The following BMP1 variants were observed in gnomAD, a reference collection of about 807,000 sequenced individuals.
The protein encoded by BMP1 is mammalian tolloid protein.
Under a neutral mutation model 116.8 loss-of-function variants are expected in BMP1, and 63 were observed. The ratio of observed to expected loss-of-function variants is 0.54; its 90% CI spans 0.44 to 0.67. The LOEUF is 0.67. Among genes scored for constraint, BMP1 ranks in the 30% least tolerant of loss-of-function variants. The pLI, the probability that BMP1 is intolerant of heterozygous loss-of-function variation, is 0.00. For synonymous variants in BMP1, 536 were observed against 533.4 expected (o/e 1.00, Z -0.07); for missense variants, 1,183 against 1,358.9 (o/e 0.87, Z 2.04).
chr8:22,195,383 G>T, intron 12 of BMP1, 79 bp from the exon 13 acceptor site: 1 of 1,527,088 alleles, frequency 6.5e-7, no homozygotes, highest in Non-Finnish European at 8.8e-7. Flanking sequence ...TCTTGGGGCT[G>T]AGTGGACAAG....
chr8:22,185,828 CTT>C (rs71204540), intron 8 of BMP1, among the ~76,000 whole-genome samples: 3 of 80,958 alleles, frequency 3.7e-5, no homozygotes, highest in African/African-American at 5.3e-5. Flanking sequence ...CACTGTCTTT[CTT>C]TTTTTTTTTT....
intron 19 of BMP1, among the ~76,000 whole-genome samples, chr8:22,211,165 C>T (rs574527174): frequency 6.6e-6 from 1 of 152,350 alleles, no homozygotes; most frequent in East Asian, 1.9e-4. Flanking sequence ...CCCTAAGAGT[C>T]CACTGGGACA....
chr8:22,190,071 C>T (rs1828886632), intron 8 of BMP1, among the ~76,000 whole-genome samples: 1 of 152,140 alleles, frequency 6.6e-6, no homozygotes, highest in Non-Finnish European at 1.5e-5. Context: ...CAGATGCCCA[C>T]CATCACACCT....
Position 22,206,886 on chromosome 8 carries a change from G to A in BMP1, c.2266G>A (p.Gly756Ser). 6.2e-7 allele frequency: 1 copy of A among 1,614,168 alleles called. No individual in the cohort carries two copies. Among genetic ancestry groups the A allele is most frequent in the Non-Finnish European group, 8.5e-7 (1 of 1,180,008 alleles). Residue 756 changes from glycine to serine, a missense_variant, in exon 17 of 20, where the codon GGT becomes AGT. Physicochemically the swap from Gly to Ser is moderately conservative, Grantham distance 56. Coordinates refer to ENST00000306385, the MANE Select transcript of BMP1 (RefSeq NM_006129.5). ...GCDHKVTSTS[G>S]TITSPNWPDK... ...TGACCACAAGGTGACATCCACCAGT[G>A]GTACCATCACCAGCCCCAACTGGCC... is the stretch of plus-strand genomic sequence containing the variant.
Position 22,198,649 on chromosome 8 carries a change from G to A in BMP1, c.2107+1229G>A, listed in dbSNP as rs144632515. On this transcript the variant is annotated intron_variant, in intron 15 of 19. Transcript: ENST00000306385. ...ATAGGCAGGAAGGCAGGATGCCCAC[G>A]GCCGAGTCCATGCTGCCTTCCTTCT... 8.6e-4 allele frequency: 135 copies of A among 157,190 alleles called. 1 individual carries two copies. In the East Asian group the frequency reaches 0.016, roughly 18 times the overall value. The allele number at this position is 157,190 out of a possible 1,614,324, so 9.7% of individuals were successfully genotyped here.
intron 12 of BMP1, 77 bp from the exon 13 acceptor site, chr8:22,195,385 G>C: frequency 6.5e-7 from 1 of 1,531,150 alleles, no homozygotes; most frequent in African/African-American, 1.4e-5. Context: ...TTGGGGCTGA[G>C]TGGACAAGTG....
chr8:22,192,213 C>T, intron 9 of BMP1, 62 bp downstream of exon 9: 1 of 1,425,682 alleles, frequency 7.0e-7, no homozygotes, highest in Admixed American at 1.7e-5. Context: ...CCACCCTCAT[C>T]ACACTCTTCA....
intron 8 of BMP1, among the ~76,000 whole-genome samples, chr8:22,180,916 T>A (rs1828601853): frequency 6.6e-6 from 1 of 152,210 alleles, no homozygotes; most frequent in Admixed American, 6.5e-5. Flanking sequence ...TGGGTTCCCT[T>A]GGATGAACTG....
At chr8:22,192,674 C>G (rs1586458555) in intron 9 of BMP1, among the ~76,000 whole-genome samples, 1 of 152,210 alleles carries the variant, frequency 6.6e-6, no homozygotes, top group East Asian at 1.9e-4. Context: ...GCATAGGATA[C>G]TTTGTCCCGA....
chr8:22,176,679 T>C, intron 4 of BMP1, 29 bp downstream of exon 4: 1 of 1,608,374 alleles, frequency 6.2e-7, no homozygotes, highest in Non-Finnish European at 8.5e-7. Context: ...GCGCTGTACC[T>C]TCCGCCATTG....
chr8:22,180,612 A>G (rs1338843683), intron 8 of BMP1, 129 bp downstream of exon 8: 3 of 800,028 alleles, frequency 3.7e-6, no homozygotes, highest in Admixed American at 2.3e-5. Flanking sequence ...TATCAAGTCC[A>G]GAGCGCTGAT....
chr8:22,198,546 G>T (rs1302774817), intron 15 of BMP1: 1 of 153,680 alleles, frequency 6.5e-6, no homozygotes, highest in Non-Finnish European at 1.4e-5. Flanking sequence ...TTGAGCAGGG[G>T]AGACAGGGAG....
At chr8:22,181,257 G>T (rs1358766835) in intron 8 of BMP1, among the ~76,000 whole-genome samples, 1 of 152,178 alleles carries the variant, frequency 6.6e-6, no homozygotes. Context: ...TACCTTGTGG[G>T]GAAGTACCCA....
At position 22,167,041 on chromosome 8, in the gene BMP1, A is replaced by G. The variant is rs561867254; in HGVS notation, c.148+1488A>G. ...TCCCATAGAGTTGGTGGTAAGGGTT[A>G]AATATGAAAACATACATAAAACACT... On this transcript the variant is annotated intron_variant, in intron 1 of 19. Transcript: ENST00000306385. 1.2e-4 allele frequency among the ~76,000 whole-genome samples: 19 copies of G among 152,360 alleles called. No homozygotes were observed. In the East Asian group the frequency reaches 3.5e-3, roughly 28 times the overall value.
At chr8:22,198,804 T>A (rs1359854744) in intron 15 of BMP1, 1 of 420,360 alleles carries the variant, frequency 2.4e-6, no homozygotes, top group Non-Finnish European at 3.6e-6. Context: ...GCCACCCTGC[T>A]CTGCTTACAG....
At chr8:22,178,075 T>C in intron 6 of BMP1, 118 bp downstream of exon 6, 1 of 798,256 alleles carries the variant, frequency 1.3e-6, no homozygotes, top group Non-Finnish European at 2.0e-6. Context: ...AGTGGCCCTC[T>C]GGGGGGCTGT....
At chr8:22,209,792 C>A in intron 19 of BMP1, 97 bp downstream of exon 19, 2 of 1,399,020 alleles carry the variant, frequency 1.4e-6, no homozygotes, top group Non-Finnish European at 2.0e-6. Context: ...AGCGCCCACA[C>A]AGGCCCCGGA....
intron 12 of BMP1, among the ~76,000 whole-genome samples, chr8:22,195,190 TCA>T (rs1829047148): frequency 6.6e-6 from 1 of 152,174 alleles, no homozygotes; most frequent in South Asian, 2.1e-4. Flanking sequence ...TCCCTGAACC[TCA>T]GTTTCTCATC....
At chr8:22,170,539 C>T (rs942087636) in intron 1 of BMP1, 2 of 152,238 alleles carry the variant, frequency 1.3e-5, no homozygotes, top group Admixed American at 6.5e-5. Context: ...GTCTGTCTGA[C>T]TCCAAAGACC....
Sources: gnomAD v4.1 joint callset for allele counts (sites outside exome capture counted in the v4.1 genomes callset) on GRCh38, gnomAD v4.1.1 for gene constraint, MANE v1.5 for transcripts, NCBI Gene and HGNC (gene_info 2026-07-23, HGNC 2026-07-21) for gene names.